SSH1: variants seen among roughly 807,000 people sequenced by gnomAD.
SSH1 encodes protein phosphatase Slingshot homolog 1.
Under a neutral mutation model 79.7 loss-of-function variants are expected in SSH1, and 43 were observed. The observed-to-expected ratio is 0.54, with a 90% CI of 0.42 to 0.70. The LOEUF (loss-of-function observed/expected upper bound fraction) is 0.70. Among genes scored for constraint, SSH1 ranks in the 30% least tolerant of loss-of-function variants. SSH1 has a pLI of 0.00. For synonymous variants in SSH1, 599 were observed against 538.3 expected (o/e 1.11, Z -1.56); for missense variants, 1,206 against 1,358.8 (o/e 0.89, Z 1.77).
intron 2 of SSH1, among the ~76,000 whole-genome samples, chr12:108,832,516 C>G (rs958360168): frequency 2.0e-5 from 3 of 152,170 alleles, no homozygotes; most frequent in African/African-American, 7.2e-5. Flanking sequence ...CAACTGACCT[C>G]AAAACCACTC....
chr12:108,821,504 C>T (rs541158310), intron 3 of SSH1, among the ~76,000 whole-genome samples: 2 of 151,296 alleles, frequency 1.3e-5, no homozygotes, highest in South Asian at 2.1e-4. Context: ...TATATATATA[C>T]AGCACCTACT....
intron 2 of SSH1, among the ~76,000 whole-genome samples, chr12:108,844,741 A>G (rs1328012937): frequency 1.3e-5 from 2 of 152,248 alleles, no homozygotes; most frequent in Non-Finnish European, 2.9e-5. Flanking sequence ...ACAATCTGTC[A>G]TAAGACCCTA....
At position 108,788,288 on chromosome 12, in the gene SSH1, C is replaced by T. The variant is rs1381498108; in HGVS notation, c.2850G>A (p.Leu950=). Residue 950 remains leucine (L), a synonymous_variant, in exon 15 of 15, where the codon CTG becomes CTA. Transcript: ENST00000326495. The part of the protein sequence containing the change: ...SIHSVRGKPG[L]VKQRTQEIET... ...CAATCTCCTGTGTCCGCTGCTTCAC[C>T]AGCCCGGGCTTCCCACGGACACTGT... 6.2e-7 allele frequency: 1 copy of T among 1,613,664 alleles called. No individual in the cohort carries two copies. The highest frequency in any genetic ancestry group is 1.1e-5 in the South Asian group (1 of 91,076).
rs965517210 is a variant in SSH1 at position 108,857,063 on chromosome 12, C to G, written c.69+365G>C. ...AGTCACCCTTAGGGGTCACAACGCA[C>G]ACAGTCTCCGCCTAACAGGGGTCAC... is the stretch of plus-strand genomic sequence containing the variant. On this transcript the variant is annotated intron_variant, in intron 1 of 14. Coordinates refer to ENST00000326495, the MANE Select transcript of SSH1 (RefSeq NM_018984.4). The surrounding 1 kb of genome is among the most constrained non-coding windows in gnomAD (Gnocchi z 4.7). Among the ~76,000 whole-genome samples, 1 of 152,280 alleles carries G rather than the reference C, an allele frequency of 6.6e-6. No homozygotes were observed. The highest frequency in any genetic ancestry group is 1.5e-5 in the Non-Finnish European group (1 of 68,046).
chr12:108,839,452 G>T (rs1399019333), intron 2 of SSH1, among the ~76,000 whole-genome samples: 1 of 152,184 alleles, frequency 6.6e-6, no homozygotes, highest in African/African-American at 2.4e-5. Context: ...GCTGCAGCCA[G>T]CCTGGCTCTT....
chr12:108,847,821 G>A (rs1427904237), intron 2 of SSH1, among the ~76,000 whole-genome samples: 2 of 152,204 alleles, frequency 1.3e-5, no homozygotes, highest in African/African-American at 2.4e-5. Flanking sequence ...GGATTTGAGA[G>A]CAGTTAGGGA....
At chr12:108,846,298 TA>T (rs1386243184) in intron 2 of SSH1, among the ~76,000 whole-genome samples, 23 of 146,212 alleles carry the variant, frequency 1.6e-4, no homozygotes, top group Middle Eastern at 3.6e-3. Context: ...AATGCTGGAT[TA>T]AAAAAAAAAA....
intron 2 of SSH1, among the ~76,000 whole-genome samples, chr12:108,847,096 G>T (rs1463524472): frequency 6.6e-6 from 1 of 152,106 alleles, no homozygotes; most frequent in Non-Finnish European, 1.5e-5. Context: ...ATGGGGTCTT[G>T]CCATGTTGTG....
chr12:108,786,415 C>T lies in SSH1; in HGVS notation c.*1573G>A, dbSNP rs1416888178. ...CCTTAGGTGTCAGAGAGGCAGAGGG[C>T]TTCACATTTACCCAGTTTCTTCCTA... is the stretch of plus-strand genomic sequence containing the variant. On this transcript the variant is annotated 3_prime_UTR_variant, in exon 15 of 15. Coordinates refer to ENST00000326495, the MANE Select transcript of SSH1 (RefSeq NM_018984.4). 2.0e-5 allele frequency: 3 copies of T among 152,294 alleles called. No homozygotes were observed. Among genetic ancestry groups the T allele is most frequent in the Admixed American group, 6.5e-5 (1 of 15,286 alleles). 9.4% of individuals were successfully genotyped at this position (152,294 alleles called of 1,614,324 possible).
intron 2 of SSH1, chr12:108,836,853 A>G (rs2137245070): frequency 1.9e-6 from 1 of 518,854 alleles, no homozygotes; most frequent in Admixed American, 2.0e-5. Flanking sequence ...AGCCAAATAC[A>G]CGTGCCCGGT....
In SSH1 at chr12:108,789,234, A is replaced by G. The variant is rs775666731; in HGVS notation, c.1904T>C (p.Ile635Thr). 6.3e-6 allele frequency: 10 copies of G among 1,596,206 alleles called. No individual in the cohort carries two copies. The South Asian group carries it at 1.1e-4, about 18-fold the overall frequency. Residue 635 changes from isoleucine to threonine, a missense_variant, in exon 15 of 15, where the codon ATA (isoleucine) becomes ACA (threonine). Ile to Thr is a moderately conservative substitution (Grantham distance 89). Transcript: ENST00000326495. ...SCPNGMEDDAIFGILNKVKPS... is the reference protein window; with the variant it reads ...SCPNGMEDDATFGILNKVKPS... ...CTTCACTTTGTTAAGGATCCCAAATATAGCATCATCCTGCAAGGAAGGGGA... is the reference window on the plus strand; with the variant it reads ...CTTCACTTTGTTAAGGATCCCAAATGTAGCATCATCCTGCAAGGAAGGGGA...
At position 108,779,003 on chromosome 12, in the gene SSH1, C is replaced by T. The variant is rs2036123052; in HGVS notation, c.*8985G>A. The T allele has an allele frequency of 6.6e-6, 1 of 152,048 alleles. No homozygotes were observed. Among genetic ancestry groups the T allele is most frequent in the Admixed American group, 6.6e-5 (1 of 15,256 alleles). 9.4% of individuals were successfully genotyped at this position (152,048 alleles called of 1,614,324 possible). On this transcript the variant is annotated 3_prime_UTR_variant, in exon 15 of 15. Coordinates refer to ENST00000326495, the MANE Select transcript of SSH1 (RefSeq NM_018984.4). ...ATTATTGGTAGAGATGGGGGTTCAC[C>T]ATGTTACCTGGGCTGGTCTTGAACT...
chr12:108,819,112 G>T (rs1406802662), intron 3 of SSH1, among the ~76,000 whole-genome samples: 1 of 152,168 alleles, frequency 6.6e-6, no homozygotes, highest in Admixed American at 6.5e-5. Flanking sequence ...TAACCGGGGG[G>T]GCGGGGGGAA....
At chr12:108,856,534 G>A (rs1219191222) in intron 1 of SSH1, among the ~76,000 whole-genome samples, 1 of 152,232 alleles carries the variant, frequency 6.6e-6, no homozygotes, top group Non-Finnish European at 1.5e-5. Flanking sequence ...CCTGAGTGAT[G>A]TTACAGAAAG....
chr12:108,811,334 A>G lies in SSH1; in HGVS notation c.402-6T>C. 1 of 1,614,116 alleles carries G rather than the reference A, an allele frequency of 6.2e-7. No individual in the cohort carries two copies. The highest frequency in any genetic ancestry group is 8.5e-7 in the Non-Finnish European group (1 of 1,179,980). On this transcript the variant is annotated splice_polypyrimidine_tract_variant and splice_region_variant and intron_variant, in intron 5 of 14. Coordinates refer to ENST00000326495, the MANE Select transcript of SSH1 (RefSeq NM_018984.4). Reference sequence around the variant, plus strand: ...TCCCAATGGTGCAGCTTTTACTGCGATGGGGGAGAGAAGACATGTGGAGTC... The same window carrying G: ...TCCCAATGGTGCAGCTTTTACTGCGGTGGGGGAGAGAAGACATGTGGAGTC...
chr12:108,815,662 T>C (rs2037850204), intron 5 of SSH1, among the ~76,000 whole-genome samples: 1 of 152,160 alleles, frequency 6.6e-6, no homozygotes. Context: ...TAATGGACCA[T>C]GCCCTCCAGT....
intron 1 of SSH1, chr12:108,853,017 C>T (rs1005873856): frequency 2.6e-5 from 26 of 985,280 alleles, no homozygotes; most frequent in Non-Finnish European, 3.1e-5. Context: ...GGACCTTATC[C>T]TGTTTTTCTC....
chr12:108,799,372 T>C (rs2036890741), intron 12 of SSH1, among the ~76,000 whole-genome samples, 172 bp from the exon 13 acceptor site: 1 of 152,222 alleles, frequency 6.6e-6, no homozygotes. Context: ...GGAGCAGATG[T>C]CCACGCACTC....
At chr12:108,842,384 G>C (rs1318583122) in intron 2 of SSH1, among the ~76,000 whole-genome samples, 1 of 152,194 alleles carries the variant, frequency 6.6e-6, no homozygotes, top group Non-Finnish European at 1.5e-5. Context: ...TTCAAACCCT[G>C]GCTCAGGCCT....
Sources: allele counts gnomAD v4.1 joint callset (sites outside exome capture counted in the v4.1 genomes callset), GRCh38; gene constraint gnomAD v4.1.1; non-coding constraint Gnocchi (gnomAD v3.1); transcripts MANE v1.5; gene names NCBI Gene and HGNC (gene_info 2026-07-23, HGNC 2026-07-21).